The following NCAM1 variants were observed in gnomAD, a reference collection of about 807,000 sequenced individuals.
NCAM1 encodes antigen recognized by monoclonal antibody 5.1H11.
In NCAM1, 14 loss-of-function variants were observed where a neutral mutation model predicts 109.8. The observed-to-expected ratio is 0.13, with a 90% CI of 0.08 to 0.20. NCAM1 has a LOEUF of 0.20. Among genes scored for constraint, NCAM1 ranks in the 10% least tolerant of loss-of-function variants. NCAM1 has a pLI of 1.00. For synonymous variants in NCAM1, 418 were observed against 442.9 expected, an observed-to-expected ratio of 0.94 and a Z score of 0.70; for missense variants, 774 against 1,109.9, an observed-to-expected ratio of 0.70 and a Z score of 4.30.
At chr11:112,999,870 G>A (rs1555072111) in intron 1 of NCAM1, among the ~76,000 whole-genome samples, 1 of 152,158 alleles carries the variant, frequency 6.6e-6, no homozygotes, top group Non-Finnish European at 1.5e-5. Context: ...TGCTCACTGT[G>A]AGAAGTAAAG....
chr11:113,069,274 G>A (rs1938146295), intron 1 of NCAM1, among the ~76,000 whole-genome samples: 1 of 152,166 alleles, frequency 6.6e-6, no homozygotes, highest in South Asian at 2.1e-4. Context: ...ATGCCACACA[G>A]CTTATAAAAG....
At chr11:113,243,028 C>G (rs1015784732) in intron 14 of NCAM1, 12 of 961,270 alleles carry the variant, frequency 1.2e-5, no homozygotes, top group African/African-American at 3.5e-5. Context: ...AGAGAGCAAA[C>G]CAAGCATCAG....
At chr11:113,082,084 G>A (rs1359528625) in intron 1 of NCAM1, among the ~76,000 whole-genome samples, 2 of 152,128 alleles carry the variant, frequency 1.3e-5, no homozygotes, top group South Asian at 2.1e-4. Flanking sequence ...ATCAAAAGCT[G>A]CAATTGCCTC....
At chr11:113,263,121 CT>C (rs1437811633) in intron 17 of NCAM1, 4 of 1,273,232 alleles carry the variant, frequency 3.1e-6, no homozygotes, top group Non-Finnish European at 3.0e-6. Context: ...TTTTGTGCCA[CT>C]TCATAAGGAG....
At position 113,101,344 on chromosome 11, in the gene NCAM1, A is replaced by G. The variant is rs564728073; in HGVS notation, c.53-101035A>G. On this transcript the variant is annotated intron_variant, in intron 1 of 19. Transcript: ENST00000316851. ...TGCAAATTCTTCTGTCACAGCTTCA[A>G]TTCCCCTGTTAGTTGTTAGCACCGC... Among the ~76,000 whole-genome samples the G allele has an allele frequency of 3.2e-4, 49 of 152,328 alleles. No individual in the cohort carries two copies. The South Asian group carries it at 8.5e-3, about 26-fold the overall frequency.
intron 17 of NCAM1, among the ~76,000 whole-genome samples, chr11:113,261,637 C>T (rs1555123386): frequency 6.6e-6 from 1 of 152,190 alleles, no homozygotes; most frequent in Non-Finnish European, 1.5e-5. Context: ...CTTGCTTTTC[C>T]TCTGCCCCTT....
intron 1 of NCAM1, among the ~76,000 whole-genome samples, chr11:113,113,144 A>C (rs1233092933): frequency 6.6e-6 from 1 of 152,106 alleles, no homozygotes; most frequent in Non-Finnish European, 1.5e-5. Context: ...AAAAAAATTA[A>C]ATAAAATAAA....
intron 1 of NCAM1, among the ~76,000 whole-genome samples, chr11:113,060,785 A>G (rs1481424277): frequency 3.3e-5 from 5 of 152,150 alleles, no homozygotes; most frequent in Non-Finnish European, 5.9e-5. Flanking sequence ...GTGTGCCCCA[A>G]TGTTTTCCCT....
At chr11:113,144,445 A>C (rs947591217) in intron 1 of NCAM1, among the ~76,000 whole-genome samples, 2 of 152,252 alleles carry the variant, frequency 1.3e-5, no homozygotes, top group Non-Finnish European at 2.9e-5. Flanking sequence ...TTTATGAATC[A>C]GAATAGTCCA....
chr11:113,052,692 G>A (rs1231843600), intron 1 of NCAM1, among the ~76,000 whole-genome samples: 3 of 152,158 alleles, frequency 2.0e-5, no homozygotes, highest in Non-Finnish European at 4.4e-5. Flanking sequence ...TTGTTTATTA[G>A]TATTTTTATT....
intron 1 of NCAM1, among the ~76,000 whole-genome samples, chr11:113,199,643 G>A: frequency 6.6e-6 from 1 of 151,264 alleles, no homozygotes; most frequent in African/African-American, 2.4e-5. Flanking sequence ...TGGGGTGGGG[G>A]GACGGGGGAG....
chr11:113,108,144 T>C (rs1038535446), intron 1 of NCAM1, among the ~76,000 whole-genome samples: 1 of 152,196 alleles, frequency 6.6e-6, no homozygotes, highest in Non-Finnish European at 1.5e-5. Flanking sequence ...TGGCTCTGGC[T>C]TGAGGAATTT....
intron 1 of NCAM1, among the ~76,000 whole-genome samples, chr11:113,156,994 G>T (rs1337393598): frequency 6.6e-5 from 10 of 152,102 alleles, no homozygotes; most frequent in African/African-American, 1.2e-4. Context: ...GTCCTGGGTT[G>T]CCCAGGACAG....
At chr11:112,971,240 C>CTCTCTG (rs1216982799) in intron 1 of NCAM1, among the ~76,000 whole-genome samples, 4 of 151,988 alleles carry the variant, frequency 2.6e-5, no homozygotes, top group Admixed American at 1.3e-4. Flanking sequence ...CTCTCTCTCT[C>CTCTCTG]TCTCTGTCTC....
chr11:113,160,616 A>C (rs2846915), intron 1 of NCAM1, among the ~76,000 whole-genome samples: 1 of 152,160 alleles, frequency 6.6e-6, no homozygotes, highest in East Asian at 1.9e-4. Context: ...AAAGCCTCAA[A>C]CCCACTTGGC....
chr11:113,152,092 A>G (rs1942245604), intron 1 of NCAM1, among the ~76,000 whole-genome samples: 1 of 152,188 alleles, frequency 6.6e-6, no homozygotes, highest in African/African-American at 2.4e-5. Flanking sequence ...GGTTGAAAGC[A>G]TCCAAAAATT....
chr11:113,020,449 G>T (rs1555076055), intron 1 of NCAM1, among the ~76,000 whole-genome samples: 1 of 152,196 alleles, frequency 6.6e-6, no homozygotes, highest in African/African-American at 2.4e-5. Context: ...TTAACCGTAG[G>T]TCTTGGATAT....
At chr11:113,243,208 C>G (rs184076110) in intron 14 of NCAM1, among the ~76,000 whole-genome samples, 1 of 152,224 alleles carries the variant, frequency 6.6e-6, no homozygotes, top group Non-Finnish European at 1.5e-5. Flanking sequence ...AATACACACG[C>G]TCATGCGCGT....
At chr11:113,094,708 A>G (rs534242110) in intron 1 of NCAM1, among the ~76,000 whole-genome samples, 1 of 152,266 alleles carries the variant, frequency 6.6e-6, no homozygotes, top group South Asian at 2.1e-4. Flanking sequence ...AGGCTCTACC[A>G]GTCCATGCTA....
Sources: allele counts gnomAD v4.1 joint callset (sites outside exome capture counted in the v4.1 genomes callset), GRCh38; gene constraint gnomAD v4.1.1; transcripts MANE v1.5; gene names NCBI Gene and HGNC (gene_info 2026-07-23, HGNC 2026-07-21).